Variants in IGF2R observed in about 807,000 individuals in gnomAD.
The protein encoded by IGF2R is insulin like growth factor 2 receptor, also known as cation-independent mannose-6-phosphate receptor.
Under a neutral mutation model 270.6 loss-of-function variants are expected in IGF2R, and 91 were observed. The ratio of observed to expected loss-of-function variants is 0.34; its 90% CI spans 0.28 to 0.40. IGF2R has a LOEUF of 0.40. Among genes scored for constraint, IGF2R ranks in the 10% least tolerant of loss-of-function variants. The pLI is 1.00. For synonymous variants in IGF2R, 1,316 were observed against 1,258.9 expected (o/e 1.05, Z -0.96); for missense variants, 2,805 against 3,188.3 (o/e 0.88, Z 2.90).
chr6:159,983,303 T>C (rs539340262), intron 1 of IGF2R, among the ~76,000 whole-genome samples: 2 of 152,232 alleles, frequency 1.3e-5, no homozygotes, highest in East Asian at 3.8e-4. Context: ...GTTAACCAGC[T>C]GACAGTCTGT....
intron 1 of IGF2R, among the ~76,000 whole-genome samples, chr6:159,987,153 T>G (rs1364693326): frequency 6.6e-6 from 1 of 152,236 alleles, no homozygotes; most frequent in Non-Finnish European, 1.5e-5. Flanking sequence ...TTAGAATCCT[T>G]TAGTTTCAAA....
intron 44 of IGF2R, among the ~76,000 whole-genome samples, chr6:160,091,332 G>A (rs58444339): frequency 0.077 from 7,782 of 100,680 alleles, 362 homozygotes; most frequent in East Asian, 0.29. Flanking sequence ...GGTGCTGAGC[G>A]CATCGCCGAG....
In IGF2R at chr6:159,981,620, A is replaced by G. The variant is rs534223502; in HGVS notation, c.150-9564A>G. Among the ~76,000 whole-genome samples, 21 of 152,332 alleles carry G rather than the reference A, an allele frequency of 1.4e-4. No individual in the cohort carries two copies. The South Asian group carries it at 2.1e-3, about 15-fold the overall frequency. On this transcript the variant is annotated intron_variant, in intron 1 of 47. Transcript: ENST00000356956. Reference sequence around the variant, plus strand: ...TCCTGGTGGTGGTTTTCTCCTCACAATGACCTTGTAGGCTAGCTGAGTTTT... The same window carrying G: ...TCCTGGTGGTGGTTTTCTCCTCACAGTGACCTTGTAGGCTAGCTGAGTTTT...
intron 31 of IGF2R, among the ~76,000 whole-genome samples, chr6:160,071,190 A>G (rs1163620863): frequency 9.7e-6 from 1 of 102,780 alleles, no homozygotes; most frequent in African/African-American, 3.9e-5. Context: ...GGGTGTGTGG[A>G]GGCCCTGTGC....
rs746473150 is a variant in IGF2R at position 160,022,018 on chromosome 6, A to ACACACACC, written c.514-2547_514-2546insCCACACAC. ...CAACGGATGACTAGGTAAAGAACAC[A>ACACACACC]CACACACACACACACACACACACGT... On this transcript the variant is annotated intron_variant, in intron 4 of 47. Coordinates refer to ENST00000356956, the MANE Select transcript of IGF2R (RefSeq NM_000876.4). 3.5e-3 allele frequency among the ~76,000 whole-genome samples: 508 copies of ACACACACC among 146,856 alleles called. 1 individual carries two copies. Among genetic ancestry groups the ACACACACC allele is most frequent in the African/African-American group, 6.9e-3 (277 of 40,190 alleles).
chr6:160,020,114 A>T (rs780319481), intron 4 of IGF2R, among the ~76,000 whole-genome samples: 5 of 152,158 alleles, frequency 3.3e-5, no homozygotes, highest in African/African-American at 7.2e-5. Context: ...TAGTTTCAGG[A>T]TACAGAGTCA....
intron 6 of IGF2R, among the ~76,000 whole-genome samples, 186 bp from the exon 7 acceptor site, chr6:160,029,364 T>G (rs1184599566): frequency 1.4e-5 from 2 of 145,784 alleles, no homozygotes; most frequent in African/African-American, 4.9e-5. Flanking sequence ...GGAGTTTACT[T>G]AAAACTTTTT....
In IGF2R at chr6:160,046,424, A is replaced by C. The variant is rs968706747; in HGVS notation, c.1904-74A>C. The C allele has an allele frequency of 4.9e-6, 7 of 1,437,188 alleles. No individual in the cohort carries two copies. In the Admixed American group the frequency reaches 1.2e-4, roughly 24 times the overall value. 89.0% of individuals were successfully genotyped at this position (1,437,188 alleles called of 1,614,324 possible). A position where few individuals can be genotyped will look rare whatever the true frequency, so the allele number is the denominator to read the frequency against. On this transcript the variant is annotated intron_variant, in intron 14 of 47. Coordinates refer to ENST00000356956, the MANE Select transcript of IGF2R (RefSeq NM_000876.4). The stretch of plus-strand genomic sequence containing the variant: ...TCCTGGGAAGAACCTCTCCCTTTCA[A>C]ACTGTGGGGTGAGACCACTCTGTTA...
rs1408527688 is a variant in IGF2R, at chr6:160,085,026, A to G, written c.6100A>G (p.Lys2034Glu). The change falls in exon 41 of 48, where the codon AAA (lysine) becomes GAA (glutamate). Residue 2034 changes from lysine to glutamate, a missense_variant. By Grantham distance (56) the Lys-to-Glu change is moderately conservative. This residue lies in a region of IGF2R where 1,851 missense variants were observed against 2,207.2 expected (regional missense o/e 0.84). Coordinates refer to ENST00000356956, the MANE Select transcript of IGF2R (RefSeq NM_000876.4). ...YYINLCQKIY[K>E]GPLGCSERAS... ...TATAAATCTGTGCCAGAAAATATAT[A>G]AAGGGCCCCTGGGCTGCTCTGAAAG... The G allele has an allele frequency of 6.2e-7, 1 of 1,613,950 alleles. No individual in the cohort carries two copies. Among genetic ancestry groups the G allele is most frequent in the Non-Finnish European group, 8.5e-7 (1 of 1,179,974 alleles).
chr6:159,999,812 T>C (rs1471746207), intron 2 of IGF2R, among the ~76,000 whole-genome samples: 1 of 152,102 alleles, frequency 6.6e-6, no homozygotes, highest in Non-Finnish European at 1.5e-5. Context: ...TCAGTTAAGA[T>C]TTGAAAGTAA....
intron 4 of IGF2R, 99 bp from the exon 5 acceptor site, chr6:160,024,473 C>G (rs1562347212): frequency 3.0e-5 from 36 of 1,183,836 alleles, no homozygotes; most frequent in Non-Finnish European, 3.7e-5. Flanking sequence ...ATGATAGTCC[C>G]TAAGGAATGG....
rs1215374884 is a variant in IGF2R at position 160,105,096 on chromosome 6, C to CT, written c.*13dup. The CT allele has an allele frequency of 6.5e-7, 1 of 1,536,440 alleles. No homozygotes were observed. The highest frequency in any genetic ancestry group is 1.4e-5 in the African/African-American group (1 of 72,906). The stretch of plus-strand genomic sequence containing the variant: ...TCTTACACATCTGACTCCGCAGTGC[C>CT]TGCAGGGGAGCACGGAGCCGCGGGA... On this transcript the variant is annotated 3_prime_UTR_variant, in exon 48 of 48. Coordinates refer to ENST00000356956, the MANE Select transcript of IGF2R (RefSeq NM_000876.4).
intron 26 of IGF2R, 25 bp downstream of exon 26, chr6:160,062,644 G>T (rs776321245): frequency 6.4e-7 from 1 of 1,555,090 alleles, no homozygotes; most frequent in East Asian, 2.2e-5. Flanking sequence ...GTCCCTACAA[G>T]TCATTTTAAA....
At chr6:160,101,617 G>A (rs1398092557) in intron 45 of IGF2R, among the ~76,000 whole-genome samples, 3 of 152,240 alleles carry the variant, frequency 2.0e-5, no homozygotes, top group African/African-American at 4.8e-5. Flanking sequence ...GCCCCGCTGG[G>A]GTTGCCTCTT....
intron 2 of IGF2R, chr6:160,006,797 A>G (rs1583255321): frequency 1.3e-5 from 2 of 152,178 alleles, no homozygotes; most frequent in Admixed American, 6.5e-5. Context: ...GTTTTGTATA[A>G]TGTAGCGAGC....
chr6:159,978,703 C>T (rs1201301881), intron 1 of IGF2R, among the ~76,000 whole-genome samples: 2 of 151,732 alleles, frequency 1.3e-5, no homozygotes, highest in East Asian at 1.9e-4. Flanking sequence ...CAAAGCAATG[C>T]GTCATAAGCC....
At chr6:159,975,365 T>C (rs1783673760) in intron 1 of IGF2R, among the ~76,000 whole-genome samples, 1 of 152,190 alleles carries the variant, frequency 6.6e-6, no homozygotes, top group Non-Finnish European at 1.5e-5. Context: ...CCTGGCTCAC[T>C]ACCCTCCAGG....
chr6:160,087,451 C>A (rs577944488), intron 41 of IGF2R, among the ~76,000 whole-genome samples: 1 of 152,282 alleles, frequency 6.6e-6, no homozygotes, highest in East Asian at 1.9e-4. Context: ...CCTCAAGGCT[C>A]AGAAGCTCAG....
Position 160,077,996 on chromosome 6 carries a change from G to A in IGF2R, c.5317-205G>A, listed in dbSNP as rs537140247. ...GACAAGACCTGGATTCAGCCAGGGAGCTCACAGGATGTGTAGGGGGCAAGG... is the reference window on the plus strand; with the variant it reads ...GACAAGACCTGGATTCAGCCAGGGAACTCACAGGATGTGTAGGGGGCAAGG... On this transcript the variant is annotated intron_variant, in intron 36 of 47. Transcript: ENST00000356956. Among the ~76,000 whole-genome samples the A allele has an allele frequency of 4.6e-5, 7 of 152,336 alleles. No individual in the cohort carries two copies. In the South Asian group the frequency reaches 1.5e-3, roughly 32 times the overall value.
Sources: gnomAD v4.1 joint callset for allele counts (sites outside exome capture counted in the v4.1 genomes callset) on GRCh38, gnomAD v4.1.1 for gene constraint, gnomAD v4.1.1 regional missense constraint, MANE v1.5 for transcripts, NCBI Gene and HGNC (gene_info 2026-07-23, HGNC 2026-07-21) for gene names.